EPHA8: variants seen among roughly 807,000 people sequenced by gnomAD.
EPHA8 encodes ephrin type-A receptor 8.
Under a neutral mutation model 103.6 loss-of-function variants are expected in EPHA8, and 58 were observed. The observed-to-expected ratio is 0.56, with a 90% CI of 0.45 to 0.70. EPHA8 has a LOEUF of 0.70. Ranked by LOEUF, EPHA8 falls within the 30% of genes least tolerant of loss-of-function variation. The pLI is 0.00. For missense variants in EPHA8, 1,304 were observed against 1,395.2 expected (o/e 0.93, Z 1.04); for synonymous variants, 559 against 572.5 (o/e 0.98, Z 0.34).
intron 3 of EPHA8, among the ~76,000 whole-genome samples, chr1:22,585,027 C>CTGTGTGTGTGTGTG (rs772415643): frequency 0.013 from 1,909 of 147,540 alleles, 27 homozygotes; most frequent in Admixed American, 0.043. Context: ...GGTCGTTTCT[C>CTGTGTGTGTGTGTG]TGTGTGTGTG....
chr1:22,593,703 G>A lies in EPHA8; in HGVS notation c.1603+17G>A, dbSNP rs375608379. On this transcript the variant is annotated intron_variant, in intron 7 of 16. Transcript: ENST00000166244. The stretch of plus-strand genomic sequence containing the variant: ...GGAAACCCCGTGAGTGCAGGGAGGG[G>A]GCGTGGGCGCGGAGCAGCCCAGGTG... 1.3e-6 allele frequency: 2 copies of A among 1,566,462 alleles called. No homozygotes were observed. The highest frequency in any genetic ancestry group is 1.7e-6 in the Non-Finnish European group (2 of 1,155,462).
At chr1:22,578,551 G>A (rs1209947517) in intron 3 of EPHA8, among the ~76,000 whole-genome samples, 1 of 147,338 alleles carries the variant, frequency 6.8e-6, no homozygotes, top group African/African-American at 2.5e-5. Flanking sequence ...GTGTGCGTGA[G>A]TGTGCACATT....
At chr1:22,586,065 G>T (rs542850006) in intron 3 of EPHA8, among the ~76,000 whole-genome samples, 80 of 152,292 alleles carry the variant, frequency 5.3e-4, no homozygotes, top group African/African-American at 1.6e-3. Flanking sequence ...CAGCCCCATG[G>T]CCCTGGCCCC....
At chr1:22,574,401 A>G (rs542032647) in intron 2 of EPHA8, among the ~76,000 whole-genome samples, 12 of 152,334 alleles carry the variant, frequency 7.9e-5, no homozygotes, top group African/African-American at 2.6e-4. Flanking sequence ...CTGTGTGGCC[A>G]TCACCACCAC....
chr1:22,579,699 CTGT>C (rs1281336290), intron 3 of EPHA8, among the ~76,000 whole-genome samples: 1 of 152,060 alleles, frequency 6.6e-6, no homozygotes, highest in Non-Finnish European at 1.5e-5. Context: ...TGAAGCCTGG[CTGT>C]TGAGATCATT....
chr1:22,566,637 G>A (rs1640367317), intron 1 of EPHA8, among the ~76,000 whole-genome samples: 4 of 152,178 alleles, frequency 2.6e-5, no homozygotes, highest in Admixed American at 2.6e-4. Context: ...TTTGGTAAGC[G>A]GGGAGATGGG....
In EPHA8 at chr1:22,576,089, T is replaced by A; in HGVS notation, c.160-128T>A. The A allele has an allele frequency of 2.8e-6, 3 of 1,072,768 alleles. No homozygotes were observed. The highest frequency in any genetic ancestry group is 4.1e-6 in the Non-Finnish European group (3 of 736,194). The allele number at this position is 1,072,768 out of a possible 1,614,324, so 66.5% of individuals were successfully genotyped here. A position where few individuals can be genotyped will look rare whatever the true frequency, so the allele number is the denominator to read the frequency against. ...TGTCTGCAGGGGGCCTGGCATCTAG[T>A]AGCCACCAGGAGGCCAGCTCCTTTG... On this transcript the variant is annotated intron_variant, in intron 2 of 16. Coordinates refer to ENST00000166244, the MANE Select transcript of EPHA8 (RefSeq NM_020526.5). This position sits in a 1 kb window ranked among gnomAD's most constrained non-coding sequence, Gnocchi z 4.8.
In EPHA8 at chr1:22,569,473, A is replaced by G; in HGVS notation, c.159+120A>G. ...GAGGCCCAGAGAGGTCAAGGGACTT[A>G]CCCAAGGGCACACAGCAGTTAGTGC... On this transcript the variant is annotated intron_variant, in intron 2 of 16. Coordinates refer to ENST00000166244, the MANE Select transcript of EPHA8 (RefSeq NM_020526.5). The surrounding 1 kb of genome is among the most constrained non-coding windows in gnomAD (Gnocchi z 4.5). 2.0e-6 allele frequency: 2 copies of G among 1,024,642 alleles called. No homozygotes were observed. The highest frequency in any genetic ancestry group is 2.8e-6 in the Non-Finnish European group (2 of 706,218). The allele number at this position is 1,024,642 out of a possible 1,614,324, so 63.5% of individuals were successfully genotyped here.
rs1326774605 is a variant in EPHA8, at chr1:22,589,167, C to T, written c.1276C>T (p.Arg426Cys). The change falls in exon 5 of 17, where the codon CGC (arginine) becomes TGC (cysteine). Residue 426 changes from arginine to cysteine, a missense_variant. Transcript: ENST00000166244. The surrounding 1 kb of genome is among the most constrained non-coding windows in gnomAD (Gnocchi z 4.3). ...CGTGTCCGACCTGAGCCCCGAGCCC[C>T]GCCGGGCCGCTGTGGTCAACATCAC... ...NGVSDLSPEP[R>C]RAAVVNITTN... The T allele has an allele frequency of 5.6e-6, 9 of 1,613,736 alleles. No individual in the cohort carries two copies. Among genetic ancestry groups the T allele is most frequent in the South Asian group, 3.3e-5 (3 of 91,068 alleles).
chr1:22,580,503 C>A (rs1427484574), intron 3 of EPHA8, among the ~76,000 whole-genome samples: 1 of 152,080 alleles, frequency 6.6e-6, no homozygotes, highest in Non-Finnish European at 1.5e-5. Flanking sequence ...TTCTCCTGTC[C>A]CGAGCTCTAA....
intron 3 of EPHA8, among the ~76,000 whole-genome samples, chr1:22,578,749 T>G (rs1400468351): frequency 7.0e-6 from 1 of 142,402 alleles, no homozygotes; most frequent in Non-Finnish European, 1.5e-5. Flanking sequence ...ATGTACGGAT[T>G]TGTGCATGTG....
intron 1 of EPHA8, among the ~76,000 whole-genome samples, chr1:22,566,363 C>T (rs1033553749): frequency 6.6e-6 from 1 of 152,114 alleles, no homozygotes; most frequent in East Asian, 1.9e-4. Flanking sequence ...TTAGTCTCAG[C>T]GAAATGGAAT....
At position 22,597,453 on chromosome 1, in the gene EPHA8, A is replaced by G; in HGVS notation, c.1907A>G (p.His636Arg). The change falls in exon 10 of 17, where the codon CAC becomes CGC. Residue 636 changes from histidine to arginine, a missense_variant. Coordinates refer to ENST00000166244, the MANE Select transcript of EPHA8 (RefSeq NM_020526.5). This position sits in a 1 kb window ranked among gnomAD's most constrained non-coding sequence, Gnocchi z 4.6. ...CGGGAGATCGAGGCCTCTAGGATCC[A>G]CATCGAGAAAATCATCGGCTCTGGT... ...FTREIEASRI[H>R]IEKIIGSGDS... 1 of 1,613,384 alleles carries G rather than the reference A, an allele frequency of 6.2e-7. No individual in the cohort carries two copies. Among genetic ancestry groups the G allele is most frequent in the Non-Finnish European group, 8.5e-7 (1 of 1,179,930 alleles).
rs1557583039 is a variant in EPHA8, at chr1:22,599,648, AAGGAAGGAAAGGAGGGAGGG to A, written c.2388+610_2388+629del. Among the ~76,000 whole-genome samples the A allele has an allele frequency of 2.4e-3, 157 of 66,298 alleles. 6 individuals carry two copies. The highest frequency in any genetic ancestry group is 0.014 in the African/African-American group (146 of 10,368). 43.5% of individuals were successfully genotyped at this position (66,298 alleles called of 152,430 possible). ...AGGGAAGGAAGGAAGGGAGGGAGGG[AAGGAAGGAAAGGAGGGAGGG>A]AGGAAGGAGGGAAGGAAGGAAAGGA... On this transcript the variant is annotated intron_variant, in intron 13 of 16. Transcript: ENST00000166244.
intron 4 of EPHA8, 26 bp downstream of exon 4, chr1:22,586,661 A>G (rs757907231): frequency 4.4e-6 from 7 of 1,608,206 alleles, no homozygotes; most frequent in Non-Finnish European, 6.0e-6. Flanking sequence ...AGATGCCAGT[A>G]CCCTTGAGCC....
intron 3 of EPHA8, among the ~76,000 whole-genome samples, chr1:22,580,043 G>A (rs1025750204): frequency 1.4e-4 from 21 of 151,540 alleles, no homozygotes; most frequent in African/African-American, 5.1e-4. Context: ...GTCTTGCCCA[G>A]AGATCTCTGG....
chr1:22,590,084 A>T (rs1295406666), intron 5 of EPHA8, among the ~76,000 whole-genome samples: 2 of 152,204 alleles, frequency 1.3e-5, no homozygotes, highest in Non-Finnish European at 2.9e-5. Flanking sequence ...CCCTGACGCC[A>T]GGGCCTCAGC....
chr1:22,578,138 GTGTGTA>G (rs1640813887), intron 3 of EPHA8, among the ~76,000 whole-genome samples: 1 of 105,426 alleles, frequency 9.5e-6, no homozygotes, highest in African/African-American at 3.8e-5. Flanking sequence ...ATGTGTGCAT[GTGTGTA>G]TGTGTGCGTG....
intron 2 of EPHA8, among the ~76,000 whole-genome samples, chr1:22,571,763 C>T (rs1640549579): frequency 6.6e-6 from 1 of 152,132 alleles, no homozygotes; most frequent in African/African-American, 2.4e-5. Context: ...ATTAGCTTTC[C>T]AGGGAGCCAG....
Sources: gnomAD v4.1 joint callset for allele counts (sites outside exome capture counted in the v4.1 genomes callset) on GRCh38, gnomAD v4.1.1 for gene constraint, Gnocchi (gnomAD v3.1) non-coding constraint, MANE v1.5 for transcripts, NCBI Gene and HGNC (gene_info 2026-07-23, HGNC 2026-07-21) for gene names.